Variants in EIF2AK1 observed in about 807,000 individuals in gnomAD.
EIF2AK1 encodes the protein eukaryotic translation initiation factor 2 alpha kinase 1.
Under a neutral mutation model 77.9 loss-of-function variants are expected in EIF2AK1, and 54 were observed. The ratio of observed to expected loss-of-function variants is 0.69; its 90% CI spans 0.56 to 0.87. The LOEUF (loss-of-function observed/expected upper bound fraction) is 0.87, where lower values mean the gene tolerates loss of function less well. Ranked by LOEUF, EIF2AK1 falls within the 40% of genes least tolerant of loss-of-function variation. The probability of loss-of-function intolerance (pLI) is 0.00; values close to 1 mark genes in which losing one functional copy is unlikely to be tolerated. For synonymous variants in EIF2AK1, 314 were observed against 290.5 expected, an observed-to-expected ratio of 1.08 and a Z score of -0.82; for missense variants, 810 against 768.6, an observed-to-expected ratio of 1.05 and a Z score of -0.64.
At chr7:6,056,677 C>A (rs1405480312) in intron 1 of EIF2AK1, among the ~76,000 whole-genome samples, 1 of 135,054 alleles carries the variant, frequency 7.4e-6, no homozygotes, top group Non-Finnish European at 1.6e-5. Context: ...GAAGAAAAGG[C>A]CATATGTCAG....
intron 4 of EIF2AK1, chr7:6,047,802 A>G (rs1788489560): frequency 6.5e-6 from 1 of 152,960 alleles, no homozygotes; most frequent in South Asian, 2.1e-4. Context: ...GCAGCACCAG[A>G]GTACTGACCT....
intron 14 of EIF2AK1, among the ~76,000 whole-genome samples, chr7:6,025,841 C>A (rs182264678): frequency 2.0e-5 from 3 of 152,012 alleles, no homozygotes; most frequent in African/African-American, 7.2e-5. Context: ...CCATGTTGGC[C>A]GGGCTGGTCT....
At chr7:6,058,654 G>A (rs571518444) in intron 1 of EIF2AK1, among the ~76,000 whole-genome samples, 26 of 152,342 alleles carry the variant, frequency 1.7e-4, no homozygotes, top group Middle Eastern at 3.4e-3. Context: ...ACAAAACCCA[G>A]GGCATGGGGG....
intron 1 of EIF2AK1, among the ~76,000 whole-genome samples, chr7:6,056,525 C>T (rs1214060264): frequency 2.2e-5 from 3 of 134,376 alleles, no homozygotes; most frequent in African/African-American, 5.6e-5. Context: ...CCTGGAGGGG[C>T]GGAGGTTGCA....
intron 1 of EIF2AK1, among the ~76,000 whole-genome samples, chr7:6,056,292 CAAA>C (rs71008352): frequency 1.4e-4 from 8 of 55,808 alleles, no homozygotes; most frequent in African/African-American, 6.3e-4. Flanking sequence ...GACTCAGTCT[CAAA>C]AAAAAAAAAA....
In EIF2AK1 at chr7:6,024,190, A is replaced by G; in HGVS notation, c.*483T>C. 1 of 1,255,186 alleles carries G rather than the reference A, an allele frequency of 8.0e-7. No individual in the cohort carries two copies. Among genetic ancestry groups the G allele is most frequent in the Non-Finnish European group, 1.0e-6 (1 of 971,274 alleles). The allele number at this position is 1,255,186 out of a possible 1,614,324, so 77.8% of individuals were successfully genotyped here. A position where few individuals can be genotyped will look rare whatever the true frequency, so the allele number is the denominator to read the frequency against. The stretch of plus-strand genomic sequence containing the variant: ...TGTTAAGAAGTTGAGCTTTTATCTT[A>G]GAGGCAGCAGAAGGTTTGGAGCCAA... On this transcript the variant is annotated 3_prime_UTR_variant, in exon 15 of 15. Transcript: ENST00000199389.
chr7:6,055,088 A>G (rs537751137), intron 1 of EIF2AK1, among the ~76,000 whole-genome samples: 47 of 152,258 alleles, frequency 3.1e-4, no homozygotes, highest in African/African-American at 1.1e-3. Context: ...CATGCCTGTA[A>G]TCCCAGCACT....
chr7:6,042,802 G>A (rs576971745), intron 8 of EIF2AK1, 131 bp downstream of exon 8: 16 of 662,930 alleles, frequency 2.4e-5, no homozygotes, highest in Admixed American at 1.7e-4. Context: ...GGAGGCGGAG[G>A]TTGCAGTGAG....
Position 6,037,506 on chromosome 7 carries a change from T to C in EIF2AK1, c.1250A>G (p.Asn417Ser). The C allele has an allele frequency of 2.5e-6, 4 of 1,612,428 alleles. No homozygotes were observed. Among genetic ancestry groups the C allele is most frequent in the South Asian group, 2.2e-5 (2 of 90,958 alleles). ...DESACPYVMA[N>S]VATKIFQELV... The stretch of plus-strand genomic sequence containing the variant: ...TTCTTGAAAAATTTTTGTTGCAACA[T>C]TGGCCATAACATAAGGACCTTGAAG... The change falls in exon 11 of 15, where the codon AAT (asparagine) becomes AGT (serine). Residue 417 changes from asparagine (N) to serine (S), a missense_variant. Asn to Ser is a conservative substitution (Grantham distance 46). Transcript: ENST00000199389.
chr7:6,055,688 A>C (rs940213775), intron 1 of EIF2AK1, among the ~76,000 whole-genome samples: 10 of 151,720 alleles, frequency 6.6e-5, no homozygotes, highest in South Asian at 4.1e-4. Context: ...AAAAAAAAAA[A>C]AAAAAAACCT....
Position 6,032,075 on chromosome 7 carries a change from G to T in EIF2AK1, c.1333-3043C>A, listed in dbSNP as rs920278568. Reference sequence around the variant, plus strand: ...TGTAATCTCAGCTACTCGGACGGCTGAGGCAGGAGAATTGCTTGAACCCAG... The same window carrying T: ...TGTAATCTCAGCTACTCGGACGGCTTAGGCAGGAGAATTGCTTGAACCCAG... On this transcript the variant is annotated intron_variant, in intron 11 of 14. Transcript: ENST00000199389. The surrounding 1 kb of genome is among the most constrained non-coding windows in gnomAD (Gnocchi z 4.3). 2.6e-5 allele frequency among the ~76,000 whole-genome samples: 4 copies of T among 152,152 alleles called. No homozygotes were observed. Among genetic ancestry groups the T allele is most frequent in the Non-Finnish European group, 4.4e-5 (3 of 68,034 alleles).
intron 14 of EIF2AK1, 38 bp from the exon 15 acceptor site, chr7:6,024,839 C>CTT (rs372712239): frequency 0.01 from 11,181 of 1,097,512 alleles, no homozygotes; most frequent in Non-Finnish European, 0.011. Context: ...ATTAAAATAA[C>CTT]TTTTTTTTTT....
Position 6,035,434 on chromosome 7 carries a change from C to G in EIF2AK1, c.1332+1990G>C. On this transcript the variant is annotated intron_variant, in intron 11 of 14. Coordinates refer to ENST00000199389, the MANE Select transcript of EIF2AK1 (RefSeq NM_014413.4). This position sits in a 1 kb window ranked among gnomAD's most constrained non-coding sequence, Gnocchi z 5.5. ...AATTCAGTGTAACGTGTAATCAATA[C>G]CCATTCTAGGGACACGACAGGCCTC... 6.5e-7 allele frequency: 1 copy of G among 1,545,524 alleles called. No individual in the cohort carries two copies. Among genetic ancestry groups the G allele is most frequent in the Non-Finnish European group, 8.7e-7 (1 of 1,143,124 alleles).
In EIF2AK1 at chr7:6,033,308, T is replaced by C. The variant is rs1158334983; in HGVS notation, c.1332+4116A>G. Among the ~76,000 whole-genome samples the C allele has an allele frequency of 1.3e-5, 2 of 152,314 alleles. No homozygotes were observed. Among genetic ancestry groups the C allele is most frequent in the East Asian group, 1.9e-4 (1 of 5,186 alleles). ...TTTCTAAGTGAGGATATACCTGATA[T>C]AGATTTTTTTTTCAGTTCATACATT... On this transcript the variant is annotated intron_variant, in intron 11 of 14. Transcript: ENST00000199389. This position sits in a 1 kb window ranked among gnomAD's most constrained non-coding sequence, Gnocchi z 4.4.
chr7:6,047,916 A>ACGCCAGACTTAATGTGGG (rs1342155279), intron 4 of EIF2AK1: 3 of 152,058 alleles, frequency 2.0e-5, no homozygotes, highest in African/African-American at 7.2e-5. Flanking sequence ...CTTAATGTGG[A>ACGCCAGACTTAATGTGGG]CACCAGACTG....
chr7:6,029,646 T>C (rs939672007), intron 11 of EIF2AK1, among the ~76,000 whole-genome samples: 1 of 152,130 alleles, frequency 6.6e-6, no homozygotes, highest in Non-Finnish European at 1.5e-5. Flanking sequence ...CACAAGTGCT[T>C]CCCAACCCTT....
chr7:6,026,765 T>C lies in EIF2AK1; in HGVS notation c.1727A>G (p.Gln576Arg), dbSNP rs142183790. Residue 576 changes from glutamine (Q) to arginine (R), a missense_variant, in exon 14 of 15, where the codon CAG becomes CGG. Physicochemically the swap from Gln to Arg is conservative, Grantham distance 43 (BLOSUM62 1). This residue lies in a region of EIF2AK1 where 549 missense variants were observed against 533.7 expected (regional missense o/e 1.03). Coordinates refer to ENST00000199389, the MANE Select transcript of EIF2AK1 (RefSeq NM_014413.4). The part of the protein sequence containing the change: ...RNSSQRPSAI[Q>R]LLQSELFQNS... ...TTGGAAAAGTTCACTCTGCAGCAGC[T>C]GAATGGCAGATGGTCTCTGCGATGA... 162 of 1,614,190 alleles carry C rather than the reference T, an allele frequency of 1.0e-4. 1 individual carries two copies. In the African/African-American group the frequency reaches 1.9e-3, roughly 19 times the overall value.
chr7:6,058,116 A>G (rs1168074996), intron 1 of EIF2AK1: 4 of 455,704 alleles, frequency 8.8e-6, no homozygotes, highest in African/African-American at 2.0e-5. Context: ...AAAAGCCTCA[A>G]GAAAACTTGG....
At chr7:6,041,564 G>A (rs574864873) in intron 8 of EIF2AK1, among the ~76,000 whole-genome samples, 48 of 151,920 alleles carry the variant, frequency 3.2e-4, no homozygotes, top group African/African-American at 1.1e-3. Flanking sequence ...AAAGTCGGCC[G>A]GGTGCAGTGG....
Sources: allele counts gnomAD v4.1 joint callset (sites outside exome capture counted in the v4.1 genomes callset), GRCh38; gene constraint gnomAD v4.1.1; regional missense constraint gnomAD v4.1.1; non-coding constraint Gnocchi (gnomAD v3.1); transcripts MANE v1.5; gene names NCBI Gene and HGNC (gene_info 2026-07-23, HGNC 2026-07-21).